Variants in ADGRL4 observed in about 807,000 individuals in gnomAD.
The protein encoded by ADGRL4 is EGF, latrophilin and seven transmembrane domain containing 1.
Under a neutral mutation model 74.8 loss-of-function variants are expected in ADGRL4, and 90 were observed. The ratio of observed to expected loss-of-function variants is 1.20; its 90% CI spans 1.02 to 1.43. The LOEUF (loss-of-function observed/expected upper bound fraction) is 1.43. Ranked by LOEUF, ADGRL4 falls within the 40% of genes most tolerant of loss-of-function variation. The probability of loss-of-function intolerance (pLI) is 0.00; values close to 1 mark genes in which losing one functional copy is unlikely to be tolerated. For synonymous variants in ADGRL4, 311 were observed against 279.2 expected, an observed-to-expected ratio of 1.11 and a Z score of -1.14; for missense variants, 881 against 814.3, an observed-to-expected ratio of 1.08 and a Z score of -1.00.
chr1:78,972,593 A>G (rs1038638640), intron 2 of ADGRL4, among the ~76,000 whole-genome samples: 6 of 152,188 alleles, frequency 3.9e-5, no homozygotes, highest in African/African-American at 1.4e-4. Context: ...GAAAGGGAAC[A>G]TATTGGGAAA....
intron 14 of ADGRL4, 70 bp downstream of exon 14, chr1:78,891,454 A>G: frequency 6.7e-7 from 1 of 1,482,884 alleles, no homozygotes; most frequent in Non-Finnish European, 9.2e-7. Context: ...GAGAGTAAGA[A>G]TTTTCTATCA....
intron 7 of ADGRL4, among the ~76,000 whole-genome samples, chr1:78,928,037 C>T (rs2100678652): frequency 6.7e-6 from 1 of 149,808 alleles, no homozygotes; most frequent in Admixed American, 6.6e-5. Context: ...TTGCTATAAA[C>T]AGATGAGGGC....
At chr1:78,968,311 G>C in intron 2 of ADGRL4, among the ~76,000 whole-genome samples, 1 of 152,078 alleles carries the variant, frequency 6.6e-6, no homozygotes, top group Non-Finnish European at 1.5e-5. Context: ...TGGAAGGCCA[G>C]AGGGTTTGCA....
intron 2 of ADGRL4, among the ~76,000 whole-genome samples, chr1:78,986,476 G>T (rs1650499723): frequency 6.6e-6 from 1 of 151,574 alleles, no homozygotes; most frequent in Non-Finnish European, 1.5e-5. Flanking sequence ...AATTAACTGG[G>T]TGTGTTGGTA....
In ADGRL4 at chr1:78,890,256, A is replaced by G. The variant is rs1648240060; in HGVS notation, c.*898T>C. The G allele has an allele frequency of 6.6e-6, 1 of 152,518 alleles. No individual in the cohort carries two copies. The highest frequency in any genetic ancestry group is 2.4e-5 in the African/African-American group (1 of 41,454). The allele number at this position is 152,518 out of a possible 1,614,324, so 9.4% of individuals were successfully genotyped here. ...ATTAAAAATAATAAAGGATTCAAAT[A>G]TACTAATGAGATAGTATAACTTTCA... On this transcript the variant is annotated 3_prime_UTR_variant, in exon 15 of 15. Coordinates refer to ENST00000370742, the MANE Select transcript of ADGRL4 (RefSeq NM_022159.4).
chr1:78,955,108 T>TTTGCA (rs1649802270), intron 2 of ADGRL4, among the ~76,000 whole-genome samples: 3 of 152,124 alleles, frequency 2.0e-5, no homozygotes, highest in Admixed American at 2.0e-4. Flanking sequence ...TCTCAATTCC[T>TTTGCA]TTGCATTCAA....
At chr1:78,987,069 T>C (rs967432834) in intron 2 of ADGRL4, among the ~76,000 whole-genome samples, 4 of 151,794 alleles carry the variant, frequency 2.6e-5, no homozygotes, top group Non-Finnish European at 2.9e-5. Context: ...TAGTAAATTT[T>C]CAGTCTCAGA....
At chr1:78,892,922 C>T (rs1241296854) in intron 13 of ADGRL4, among the ~76,000 whole-genome samples, 176 bp downstream of exon 13, 1 of 151,892 alleles carries the variant, frequency 6.6e-6, no homozygotes, top group Non-Finnish European at 1.5e-5. Flanking sequence ...ACTGAATCTG[C>T]AGTAATTGTA....
chr1:78,990,830 T>C (rs78571885), intron 2 of ADGRL4, among the ~76,000 whole-genome samples: 15,098 of 151,996 alleles, frequency 0.099, 1,075 homozygotes, highest in East Asian at 0.22. Flanking sequence ...AATAGGTTTC[T>C]GTGTTTATAA....
At chr1:78,995,404 C>T (rs1435268560) in intron 2 of ADGRL4, among the ~76,000 whole-genome samples, 20 of 152,120 alleles carry the variant, frequency 1.3e-4, no homozygotes, top group Admixed American at 1.3e-3. Context: ...GTAATATTGG[C>T]AGAAGAACTT....
chr1:78,961,182 A>G (rs1649943905), intron 2 of ADGRL4, among the ~76,000 whole-genome samples: 1 of 151,868 alleles, frequency 6.6e-6, no homozygotes, highest in Non-Finnish European at 1.5e-5. Context: ...CCTGGGTTCA[A>G]GTGATTCTCC....
Position 78,966,716 on chromosome 1 carries a change from C to T in ADGRL4, c.173-20290G>A, listed in dbSNP as rs199799083. ...CTTCCCCTTCCCTGGCCAAGGGCTT[C>T]AACTCCATCGGACAGTAATTAAGCT... On this transcript the variant is annotated intron_variant, in intron 2 of 14. Coordinates refer to ENST00000370742, the MANE Select transcript of ADGRL4 (RefSeq NM_022159.4). 3.0e-4 allele frequency among the ~76,000 whole-genome samples: 45 copies of T among 152,232 alleles called. No individual in the cohort carries two copies. The East Asian group carries it at 6.6e-3, about 22-fold the overall frequency.
chr1:78,988,082 A>G (rs1650533925), intron 2 of ADGRL4, among the ~76,000 whole-genome samples: 1 of 151,844 alleles, frequency 6.6e-6, no homozygotes, highest in Non-Finnish European at 1.5e-5. Context: ...ACATACTTAA[A>G]AGAAAAGCAA....
At chr1:78,897,211 G>A (rs1287350047) in intron 12 of ADGRL4, among the ~76,000 whole-genome samples, 1 of 152,102 alleles carries the variant, frequency 6.6e-6, no homozygotes, top group Admixed American at 6.6e-5. Flanking sequence ...CCAAGCTTTA[G>A]CCAGGTTCCT....
At chr1:78,945,505 A>T (rs964177662) in intron 3 of ADGRL4, among the ~76,000 whole-genome samples, 4 of 152,072 alleles carry the variant, frequency 2.6e-5, no homozygotes, top group Non-Finnish European at 5.9e-5. Flanking sequence ...GGCTCCAGAG[A>T]ATTTGCTTCT....
intron 2 of ADGRL4, among the ~76,000 whole-genome samples, chr1:78,984,819 T>G (rs1650462116): frequency 6.6e-6 from 1 of 151,658 alleles, no homozygotes; most frequent in Non-Finnish European, 1.5e-5. Flanking sequence ...TAAAACCTTT[T>G]CAACATAAAC....
chr1:78,999,272 G>A lies in ADGRL4; in HGVS notation c.172+5798C>T, dbSNP rs139774103. 7.9e-4 allele frequency among the ~76,000 whole-genome samples: 120 copies of A among 152,200 alleles called. 1 individual carries two copies. In the South Asian group the frequency reaches 0.011, roughly 14 times the overall value. On this transcript the variant is annotated intron_variant, in intron 2 of 14. Coordinates refer to ENST00000370742, the MANE Select transcript of ADGRL4 (RefSeq NM_022159.4). ...AGAGTAGAACTATAATAAACAAAGC[G>A]CAAAATTTGGACTCAGTGATTTTGG...
intron 12 of ADGRL4, among the ~76,000 whole-genome samples, chr1:78,902,499 T>G (rs890744530): frequency 2.0e-5 from 3 of 147,050 alleles, no homozygotes; most frequent in Non-Finnish European, 4.4e-5. Context: ...GGTAATACAA[T>G]TAGGGGGTAA....
intron 2 of ADGRL4, among the ~76,000 whole-genome samples, chr1:78,972,683 G>A (rs754565763): frequency 7.2e-5 from 11 of 152,158 alleles, no homozygotes; most frequent in Non-Finnish European, 1.6e-4. Context: ...GCTTATTGCC[G>A]AAGCATTCTC....
Sources: allele counts gnomAD v4.1 joint callset (sites outside exome capture counted in the v4.1 genomes callset), GRCh38; gene constraint gnomAD v4.1.1; transcripts MANE v1.5; gene names NCBI Gene and HGNC (gene_info 2026-07-23, HGNC 2026-07-21).